Variants in CCDC149 observed in about 807,000 individuals in gnomAD.
CCDC149 encodes the protein coiled-coil domain-containing protein 149.
A neutral mutation model predicts 59.9 loss-of-function variants in CCDC149; 45 were observed. That is an observed-to-expected ratio of 0.75 (90% CI 0.59 to 0.96). CCDC149 has a LOEUF of 0.96. Among genes scored for constraint, CCDC149 ranks in the 40% least tolerant of loss-of-function variants. The pLI is 0.00. For synonymous variants in CCDC149, 245 were observed against 260.6 expected (o/e 0.94, Z 0.58); for missense variants, 584 against 664.7 (o/e 0.88, Z 1.33).
chr4:24,891,675 T>G (rs1720534928), intron 1 of CCDC149, among the ~76,000 whole-genome samples: 1 of 152,228 alleles, frequency 6.6e-6, no homozygotes, highest in Non-Finnish European at 1.5e-5. Flanking sequence ...CTAATTCAGG[T>G]AAGCTCGAGG....
Position 24,834,291 on chromosome 4 carries a change from T to C in CCDC149, c.820+657A>G, listed in dbSNP as rs554943301. ...CTGAGCATATTCGACTCGAGACTTA[T>C]GTTTAGCATTGAATTCTGAATATTA... On this transcript the variant is annotated intron_variant, in intron 8 of 12. Coordinates refer to ENST00000635206, the MANE Select transcript of CCDC149 (RefSeq NM_001330643.2). Among the ~76,000 whole-genome samples the C allele has an allele frequency of 3.9e-5, 6 of 152,280 alleles. No individual in the cohort carries two copies. In the South Asian group the frequency reaches 1.0e-3, roughly 26 times the overall value.
rs937640047 is a variant in CCDC149 at position 24,837,314 on chromosome 4, C to G, written c.576G>C (p.Val192=). 1 of 1,614,192 alleles carries G rather than the reference C, an allele frequency of 6.2e-7. No individual in the cohort carries two copies. The highest frequency in any genetic ancestry group is 8.5e-7 in the Non-Finnish European group (1 of 1,180,040). The change falls in exon 6 of 13, where the codon GTG becomes GTC. Residue 192 remains valine (V), a synonymous_variant. Transcript: ENST00000635206. The surrounding 1 kb of genome is among the most constrained non-coding windows in gnomAD (Gnocchi z 4.3). ...GGTTCAGCTCCTGGTTGAGCCTCTC[C>G]ACTTTGTCCTGGTAGGAAGACCGTT...
At chr4:24,932,390 C>G (rs1416342697) in intron 1 of CCDC149, among the ~76,000 whole-genome samples, 1 of 152,060 alleles carries the variant, frequency 6.6e-6, no homozygotes, top group Non-Finnish European at 1.5e-5. Context: ...GAGGTCTTCA[C>G]AGAAGATAGA....
chr4:24,816,880 G>A (rs879444284), intron 12 of CCDC149, among the ~76,000 whole-genome samples: 6 of 152,102 alleles, frequency 3.9e-5, no homozygotes, highest in East Asian at 1.9e-4. Context: ...CCACTGGCCC[G>A]AAAAGGCGAT....
downstream of CCDC149, among the ~76,000 whole-genome samples, chr4:24,804,653 C>A (rs1030739540): frequency 6.6e-6 from 1 of 152,134 alleles, no homozygotes; most frequent in African/African-American, 2.4e-5. Context: ...AGTGAGTAAG[C>A]AGCTGGTCTT....
intron 1 of CCDC149, among the ~76,000 whole-genome samples, chr4:24,877,486 T>C (rs969698666): frequency 1.3e-5 from 2 of 152,062 alleles, no homozygotes; most frequent in African/African-American, 2.4e-5. Context: ...GCCTGGCCCA[T>C]GTAGTTTTTA....
rs113537075 is a variant in CCDC149, at chr4:24,831,681, C to G, written c.821-31G>C. 164 of 1,595,308 alleles carry G rather than the reference C, an allele frequency of 1.0e-4. No homozygotes were observed. The African/African-American group carries it at 1.8e-3, about 17-fold the overall frequency. On this transcript the variant is annotated intron_variant, in intron 8 of 12. Coordinates refer to ENST00000635206, the MANE Select transcript of CCDC149 (RefSeq NM_001330643.2). The stretch of plus-strand genomic sequence containing the variant: ...TAGGATACAAAATGTATAACTCAGT[C>G]GTCATTCTTCTGAAACGCTGGAATG...
At chr4:24,913,552 G>A (rs542796428), upstream of CCDC149, among the ~76,000 whole-genome samples, 1 of 152,202 alleles carries the variant, frequency 6.6e-6, no homozygotes, top group African/African-American at 2.4e-5. Context: ...TTAATAGAAA[G>A]CAAATGTAAA....
chr4:24,940,379 A>G (rs1480215876), intron 1 of CCDC149, among the ~76,000 whole-genome samples: 2 of 152,250 alleles, frequency 1.3e-5, no homozygotes, highest in African/African-American at 4.8e-5. Context: ...CTGCCCTAAA[A>G]GAGCTCCTGA....
At chr4:24,894,609 CTCTT>C (rs1341282810) in intron 1 of CCDC149, among the ~76,000 whole-genome samples, 1 of 152,002 alleles carries the variant, frequency 6.6e-6, no homozygotes, top group African/African-American at 2.4e-5. Context: ...AGTTTCTCTC[CTCTT>C]TAAGAAGAAG....
Position 24,856,939 on chromosome 4 carries a change from C to T in CCDC149, c.265-3760G>A, listed in dbSNP as rs190321845. ...CGGGAGGAGCAGCCCAGCGCTTGCT[C>T]GGTCTGGGAGCTGGCTGCCAACTGC... On this transcript the variant is annotated intron_variant, in intron 3 of 12. Coordinates refer to ENST00000635206, the MANE Select transcript of CCDC149 (RefSeq NM_001330643.2). Among the ~76,000 whole-genome samples, 583 of 152,330 alleles carry T rather than the reference C, an allele frequency of 3.8e-3. 2 individuals carry two copies. The highest frequency in any genetic ancestry group is 4.9e-3 in the Non-Finnish European group (332 of 68,026).
intron 1 of CCDC149, among the ~76,000 whole-genome samples, chr4:24,887,761 T>C (rs939569982): frequency 1.3e-5 from 2 of 151,876 alleles, no homozygotes; most frequent in Non-Finnish European, 1.5e-5. Flanking sequence ...CTAGTCCAGG[T>C]ACCAGTCCCT....
chr4:24,959,665 G>A (rs565197145), intron 1 of CCDC149, among the ~76,000 whole-genome samples: 13 of 152,218 alleles, frequency 8.5e-5, no homozygotes, highest in South Asian at 2.1e-4. Context: ...AGAGTAAGAC[G>A]TTTTTATACA....
intron 1 of CCDC149, among the ~76,000 whole-genome samples, chr4:24,911,751 C>A (rs759623881): frequency 7.9e-5 from 12 of 152,200 alleles, no homozygotes; most frequent in Non-Finnish European, 1.5e-4. Context: ...TCTGCACACA[C>A]TGGGCATGAA....
chr4:24,833,480 T>C (rs1404644831), intron 8 of CCDC149, among the ~76,000 whole-genome samples: 1 of 152,026 alleles, frequency 6.6e-6, no homozygotes, highest in Non-Finnish European at 1.5e-5. Context: ...AAAAATTAGC[T>C]GGGCATGGTA....
Position 24,912,957 on chromosome 4 carries a change from G to A in CCDC149, c.-78C>T, listed in dbSNP as rs1721986433. On this transcript the variant is annotated 5_prime_UTR_variant, in exon 1 of 13. Coordinates refer to ENST00000635206, the MANE Select transcript of CCDC149 (RefSeq NM_001330643.2). ...GTCGCCGCCGCCGCCCGGGCCCCGCGCGGCCCCGAGAGGGCCCGGCGCCTC... is the reference window on the plus strand; with the variant it reads ...GTCGCCGCCGCCGCCCGGGCCCCGCACGGCCCCGAGAGGGCCCGGCGCCTC... The A allele has an allele frequency of 1.2e-6, 1 of 829,240 alleles. No individual in the cohort carries two copies. Among genetic ancestry groups the A allele is most frequent in the Non-Finnish European group, 1.5e-6 (1 of 647,122 alleles). 51.4% of individuals were successfully genotyped at this position (829,240 alleles called of 1,614,324 possible). A position where few individuals can be genotyped will look rare whatever the true frequency, so the allele number is the denominator to read the frequency against.
chr4:24,975,948 A>C (rs1226078204), intron 1 of CCDC149, among the ~76,000 whole-genome samples: 1 of 148,198 alleles, frequency 6.7e-6, no homozygotes, highest in Non-Finnish European at 1.5e-5. Context: ...GGAAGAGAAA[A>C]GAAGAGAAAA....
intron 1 of CCDC149, among the ~76,000 whole-genome samples, chr4:24,977,705 G>T (rs888167352): frequency 2.0e-5 from 3 of 152,128 alleles, no homozygotes; most frequent in Non-Finnish European, 1.5e-5. Flanking sequence ...CTCCCCTAAG[G>T]CATTACCAAT....
chr4:24,943,404 C>T (rs1325937060), intron 1 of CCDC149, among the ~76,000 whole-genome samples: 6 of 151,572 alleles, frequency 4.0e-5, no homozygotes, highest in South Asian at 2.1e-4. Context: ...ATACCTTATA[C>T]AAAAATCAAT....
Sources: allele counts gnomAD v4.1 joint callset (sites outside exome capture counted in the v4.1 genomes callset), GRCh38; gene constraint gnomAD v4.1.1; non-coding constraint Gnocchi (gnomAD v3.1); transcripts MANE v1.5; gene names NCBI Gene and HGNC (gene_info 2026-07-23, HGNC 2026-07-21).